The following SCFD2 variants were observed in gnomAD, a reference collection of about 807,000 sequenced individuals.
SCFD2 encodes sec1 family domain-containing protein 2.
A neutral mutation model predicts 58.9 loss-of-function variants in SCFD2; 54 were observed. The observed-to-expected ratio is 0.92, with a 90% CI of 0.74 to 1.15. The LOEUF (loss-of-function observed/expected upper bound fraction) is 1.15, where lower values mean the gene tolerates loss of function less well. Ranked by LOEUF, SCFD2 falls within the 50% of genes most tolerant of loss-of-function variation. SCFD2 has a pLI of 0.00. For synonymous variants in SCFD2, 321 were observed against 335.9 expected (o/e 0.96, Z 0.49); for missense variants, 805 against 836.6 (o/e 0.96, Z 0.47).
At chr4:52,941,955 T>G (rs1231154390) in intron 5 of SCFD2, among the ~76,000 whole-genome samples, 1 of 152,208 alleles carries the variant, frequency 6.6e-6, no homozygotes, top group African/African-American at 2.4e-5. Context: ...TTCCTTTGAG[T>G]ATCATGCCAG....
chr4:53,300,226 C>T (rs1386508512), intron 3 of SCFD2, among the ~76,000 whole-genome samples: 4 of 152,002 alleles, frequency 2.6e-5, no homozygotes, highest in South Asian at 2.1e-4. Flanking sequence ...GAGACACACA[C>T]AGGCTCAAAA....
chr4:52,949,949 G>C (rs1720545266), intron 5 of SCFD2: 1 of 152,184 alleles, frequency 6.6e-6, no homozygotes, highest in South Asian at 2.1e-4. Context: ...TCTCAAATGT[G>C]CTGTACAAAC....
intron 4 of SCFD2, among the ~76,000 whole-genome samples, chr4:53,208,596 T>A (rs1728510366): frequency 6.6e-6 from 1 of 152,172 alleles, no homozygotes; most frequent in African/African-American, 2.4e-5. Context: ...TGACTCCTAG[T>A]CGTGTGTGTT....
chr4:53,237,346 G>A (rs1729661281), intron 4 of SCFD2, among the ~76,000 whole-genome samples: 2 of 151,868 alleles, frequency 1.3e-5, no homozygotes, highest in Non-Finnish European at 2.9e-5. Context: ...TTCTCAATGA[G>A]CTGTTGGCTA....
chr4:53,123,373 C>T (rs953974328), intron 5 of SCFD2, among the ~76,000 whole-genome samples: 12 of 152,076 alleles, frequency 7.9e-5, no homozygotes, highest in African/African-American at 2.4e-4. Context: ...TAAATGTTTC[C>T]GGTTTGGCTA....
chr4:52,986,491 ATTTTT>A (rs369944739), intron 5 of SCFD2, among the ~76,000 whole-genome samples: 2 of 84,944 alleles, frequency 2.4e-5, no homozygotes, highest in East Asian at 8.2e-4. Flanking sequence ...TCTTCATGAA[ATTTTT>A]TTTTTTTTTT....
chr4:52,933,496 C>G (rs1720052165), intron 5 of SCFD2, among the ~76,000 whole-genome samples: 1 of 152,214 alleles, frequency 6.6e-6, no homozygotes, highest in South Asian at 2.1e-4. Flanking sequence ...CAGCTGTTTT[C>G]ATAGTTACTA....
chr4:53,301,610 C>T (rs1323284500), intron 3 of SCFD2, among the ~76,000 whole-genome samples: 3 of 152,174 alleles, frequency 2.0e-5, no homozygotes, highest in Non-Finnish European at 4.4e-5. Context: ...ATGAGGCCAG[C>T]ATCATCCTAA....
chr4:52,904,711 A>G (rs1038683055), intron 7 of SCFD2, among the ~76,000 whole-genome samples: 2 of 152,256 alleles, frequency 1.3e-5, no homozygotes, highest in Non-Finnish European at 2.9e-5. Flanking sequence ...AAAGAATAAC[A>G]TATGAGTATA....
intron 3 of SCFD2, among the ~76,000 whole-genome samples, chr4:53,302,718 C>T (rs755163113): frequency 4.6e-5 from 7 of 152,082 alleles, no homozygotes; most frequent in Non-Finnish European, 7.4e-5. Context: ...AGGCTACAGT[C>T]ACCAAAACAG....
chr4:53,131,755 A>G (rs763797276), intron 5 of SCFD2, among the ~76,000 whole-genome samples: 3 of 152,218 alleles, frequency 2.0e-5, no homozygotes, highest in Non-Finnish European at 4.4e-5. Flanking sequence ...CTTTTCCACC[A>G]CATCACATGA....
chr4:52,991,738 T>C (rs973539941), intron 5 of SCFD2, among the ~76,000 whole-genome samples: 1 of 151,896 alleles, frequency 6.6e-6, no homozygotes, highest in Non-Finnish European at 1.5e-5. Context: ...GTTCTGAAAC[T>C]GGGGGTGTAG....
chr4:53,006,981 G>A (rs994182712), intron 5 of SCFD2, among the ~76,000 whole-genome samples: 5 of 151,972 alleles, frequency 3.3e-5, no homozygotes, highest in Non-Finnish European at 7.4e-5. Context: ...AGAAATGCAG[G>A]TTTTAAAATG....
At chr4:53,212,133 T>A (rs1728631724) in intron 4 of SCFD2, among the ~76,000 whole-genome samples, 1 of 152,102 alleles carries the variant, frequency 6.6e-6, no homozygotes, top group Admixed American at 6.5e-5. Flanking sequence ...GCATGGCACC[T>A]CTATTCCTTC....
intron 4 of SCFD2, among the ~76,000 whole-genome samples, chr4:53,254,649 A>T (rs1730529001): frequency 6.6e-6 from 1 of 151,474 alleles, no homozygotes; most frequent in South Asian, 2.1e-4. Context: ...GACCCATGTC[A>T]TTTTAGACCA....
At chr4:53,298,139 G>A (rs1365218916) in intron 3 of SCFD2, among the ~76,000 whole-genome samples, 3 of 152,160 alleles carry the variant, frequency 2.0e-5, no homozygotes, top group Non-Finnish European at 2.9e-5. Flanking sequence ...AGCCGAAGCA[G>A]GGCGAGGCAT....
At chr4:53,244,418 T>C (rs1729998038) in intron 4 of SCFD2, among the ~76,000 whole-genome samples, 2 of 152,020 alleles carry the variant, frequency 1.3e-5, no homozygotes, top group Non-Finnish European at 2.9e-5. Flanking sequence ...ATAATAAAAG[T>C]AGAATTCAAG....
At chr4:52,986,491 A>ATTT (rs369944739) in intron 5 of SCFD2, among the ~76,000 whole-genome samples, 1,628 of 84,916 alleles carry the variant, frequency 0.019, 73 homozygotes, top group African/African-American at 0.047. Context: ...TCTTCATGAA[A>ATTT]TTTTTTTTTT....
Position 52,925,758 on chromosome 4 carries a change from T to A in SCFD2, c.1562-4888A>T, listed in dbSNP as rs112935338. 9.5e-3 allele frequency among the ~76,000 whole-genome samples: 1,452 copies of A among 152,280 alleles called. 22 individuals are homozygous for A. The highest frequency in any genetic ancestry group is 0.032 in the African/African-American group (1,350 of 41,556). On this transcript the variant is annotated intron_variant, in intron 5 of 8. Coordinates refer to ENST00000401642, the MANE Select transcript of SCFD2 (RefSeq NM_152540.4). ...AATAAACCAGAAGCTGATTGTAACCTTTAGCCAAGCACAGTCTGTGTACTT... is the reference window on the plus strand; with the variant it reads ...AATAAACCAGAAGCTGATTGTAACCATTAGCCAAGCACAGTCTGTGTACTT...
Sources: allele counts gnomAD v4.1 joint callset (sites outside exome capture counted in the v4.1 genomes callset), GRCh38; gene constraint gnomAD v4.1.1; transcripts MANE v1.5; gene names NCBI Gene and HGNC (gene_info 2026-07-23, HGNC 2026-07-21).